Variants in RHOT1 observed in about 807,000 individuals in gnomAD.
RHOT1 encodes the protein mitochondrial Rho GTPase 1.
RHOT1 carries 27 observed loss-of-function variants against 95.3 expected under a neutral mutation model. That is an observed-to-expected ratio of 0.28 (90% confidence interval 0.21 to 0.39). RHOT1 has a LOEUF of 0.39. RHOT1 is among the 10% of genes least tolerant of loss of function. RHOT1 has a pLI of 1.00. For missense variants in RHOT1, 578 were observed against 786.7 expected (o/e 0.73, Z 3.17); for synonymous variants, 227 against 263.5 (o/e 0.86, Z 1.34).
intron 2 of RHOT1, among the ~76,000 whole-genome samples, chr17:32,171,919 T>G (rs1350621121): frequency 6.6e-6 from 1 of 152,204 alleles, no homozygotes; most frequent in Non-Finnish European, 1.5e-5. Context: ...GTAAGGTGGT[T>G]TTATTATTAC....
intron 8 of RHOT1, among the ~76,000 whole-genome samples, chr17:32,186,230 C>G (rs75753773): frequency 9.9e-4 from 151 of 152,222 alleles, no homozygotes; most frequent in African/African-American, 3.6e-3. Context: ...TATAGCCATC[C>G]TAGTAGATGT....
chr17:32,163,850 C>A (rs1051107034), intron 1 of RHOT1, among the ~76,000 whole-genome samples: 5 of 151,934 alleles, frequency 3.3e-5, no homozygotes, highest in Admixed American at 3.3e-4. Context: ...CAGTGGTATC[C>A]CCAGGATGAA....
intron 6 of RHOT1, 138 bp downstream of exon 6, chr17:32,176,351 T>A: frequency 1.5e-6 from 1 of 677,488 alleles, no homozygotes; most frequent in Non-Finnish European, 2.5e-6. Context: ...TTGCCTTATC[T>A]ATCAGTTTTT....
intron 8 of RHOT1, among the ~76,000 whole-genome samples, chr17:32,184,017 C>T (rs986952929): frequency 3.9e-5 from 6 of 152,184 alleles, no homozygotes; most frequent in African/African-American, 1.2e-4. Context: ...AACACAGTAA[C>T]TCCTTATTGA....
chr17:32,155,096 A>T (rs561957015), intron 1 of RHOT1, among the ~76,000 whole-genome samples: 1 of 152,286 alleles, frequency 6.6e-6, no homozygotes. Context: ...AAAAGAAAAG[A>T]AAAAGAAAAA....
intron 1 of RHOT1, among the ~76,000 whole-genome samples, chr17:32,163,977 A>G (rs2033810596): frequency 6.6e-6 from 1 of 151,854 alleles, no homozygotes; most frequent in Non-Finnish European, 1.5e-5. Flanking sequence ...CAACATGGTG[A>G]AACCCTGTCT....
chr17:32,203,390 C>T (rs1343243552), intron 15 of RHOT1, among the ~76,000 whole-genome samples: 4 of 151,252 alleles, frequency 2.6e-5, no homozygotes, highest in South Asian at 2.1e-4. Context: ...ATCCTCCCAC[C>T]TCAGCCCCTG....
intron 1 of RHOT1, among the ~76,000 whole-genome samples, chr17:32,145,075 TC>T (rs2031098830): frequency 6.6e-6 from 1 of 152,088 alleles, no homozygotes; most frequent in Non-Finnish European, 1.5e-5. Flanking sequence ...AGTGGGCAGA[TC>T]ACCTGAGGTC....
chr17:32,220,993 A>G, intron 19 of RHOT1: 1 of 785,330 alleles, frequency 1.3e-6, no homozygotes, highest in Non-Finnish European at 1.5e-6. Context: ...AAGTTATTCT[A>G]AGATGATATT....
intron 1 of RHOT1, among the ~76,000 whole-genome samples, chr17:32,154,285 T>TAAAAAA (rs539073195): frequency 0.012 from 1,532 of 124,732 alleles, 38 homozygotes; most frequent in African/African-American, 0.045. Flanking sequence ...TACGAGAAAT[T>TAAAAAA]AAAAAAAAAA....
Position 32,202,828 on chromosome 17 carries a change from A to G in RHOT1, c.1260A>G (p.Arg420=). Residue 420 remains arginine, a synonymous_variant, in exon 15 of 20, where the codon AGA becomes AGG. Transcript: ENST00000545287. ...AACAAACTCAAAGAAATGTGTTCAG[A>G]TGTAATGTAATTGGAGTGAAAAACT... ...QKKQTQRNVF[R]CNVIGVKNCG... 6.2e-7 allele frequency: 1 copy of G among 1,611,842 alleles called. No individual in the cohort carries two copies. Among genetic ancestry groups the G allele is most frequent in the Middle Eastern group, 1.7e-4 (1 of 6,050 alleles).
chr17:32,189,736 C>CTTTTTTTTTTT (rs71362807), intron 8 of RHOT1, among the ~76,000 whole-genome samples: 90 of 124,354 alleles, frequency 7.2e-4, no homozygotes, highest in African/African-American at 1.4e-3. Flanking sequence ...CTTTTCTTTT[C>CTTTTTTTTTTT]TTTTTTTTTT....
intron 11 of RHOT1, among the ~76,000 whole-genome samples, chr17:32,194,852 G>T (rs1459565324): frequency 2.1e-5 from 3 of 140,298 alleles, no homozygotes. Context: ...TTTTTCAGAC[G>T]GAGTCTCGCT....
At chr17:32,190,283 G>A (rs1008599673) in intron 8 of RHOT1, among the ~76,000 whole-genome samples, 10 of 152,022 alleles carry the variant, frequency 6.6e-5, no homozygotes, top group African/African-American at 2.2e-4. Flanking sequence ...GTGAAACCCC[G>A]TCTCTACTAA....
intron 1 of RHOT1, among the ~76,000 whole-genome samples, chr17:32,150,164 G>A (rs924284071): frequency 3.3e-5 from 5 of 152,126 alleles, no homozygotes; most frequent in Non-Finnish European, 7.3e-5. Flanking sequence ...AGAACAAAAA[G>A]CCCTAGTTTA....
intron 12 of RHOT1, 119 bp downstream of exon 12, chr17:32,199,150 C>G: frequency 1.2e-6 from 1 of 847,402 alleles, no homozygotes. Context: ...TGCTTAACCT[C>G]TCTAAGTTAA....
intron 8 of RHOT1, among the ~76,000 whole-genome samples, chr17:32,184,372 T>G (rs1294914460): frequency 6.6e-6 from 1 of 152,250 alleles, no homozygotes; most frequent in Non-Finnish European, 1.5e-5. Flanking sequence ...TTACTTAGCG[T>G]AATATTTCCA....
intron 7 of RHOT1, 100 bp from the exon 8 acceptor site, chr17:32,183,071 T>G: frequency 9.2e-7 from 1 of 1,082,478 alleles, no homozygotes; most frequent in South Asian, 1.6e-5. Context: ...GCATTTTTCG[T>G]TTTTTTTCAA....
rs574768966 is a variant in RHOT1 at position 32,152,954 on chromosome 17, G to A, written c.37+10225G>A. Among the ~76,000 whole-genome samples, 6 of 152,054 alleles carry A rather than the reference G, an allele frequency of 3.9e-5. No homozygotes were observed. The East Asian group carries it at 5.8e-4, about 15-fold the overall frequency. Reference sequence around the variant, plus strand: ...GAATACCTGCATATAGGCATGCATCGCCATGCCTGGCTAATTTTTAAATTT... The same window carrying A: ...GAATACCTGCATATAGGCATGCATCACCATGCCTGGCTAATTTTTAAATTT... On this transcript the variant is annotated intron_variant, in intron 1 of 19. Transcript: ENST00000545287.
Sources: gnomAD v4.1 joint callset for allele counts (sites outside exome capture counted in the v4.1 genomes callset) on GRCh38, gnomAD v4.1.1 for gene constraint, MANE v1.5 for transcripts, NCBI Gene and HGNC (gene_info 2026-07-23, HGNC 2026-07-21) for gene names.